The following ADGRE3 variants were observed in gnomAD, a reference collection of about 807,000 sequenced individuals.
The protein encoded by ADGRE3 is EGF-like module receptor 3.
Under a neutral mutation model 80.1 loss-of-function variants are expected in ADGRE3, and 88 were observed. That is an observed-to-expected ratio of 1.10 (90% CI 0.93 to 1.31). The LOEUF (loss-of-function observed/expected upper bound fraction) is 1.31, where lower values mean the gene tolerates loss of function less well. Ranked by LOEUF, ADGRE3 falls within the 40% of genes most tolerant of loss-of-function variation. The pLI is 0.00. For missense variants in ADGRE3, 715 were observed against 776.5 expected (o/e 0.92, Z 0.94); for synonymous variants, 281 against 294.8 (o/e 0.95, Z 0.48).
chr19:14,671,797 A>T (rs1972263385), intron 1 of ADGRE3, among the ~76,000 whole-genome samples: 1 of 151,512 alleles, frequency 6.6e-6, no homozygotes, highest in Admixed American at 6.6e-5. Context: ...TTTTATTTTT[A>T]TTTTTTTGAG....
chr19:14,666,290 C>G (rs1972104165), intron 2 of ADGRE3, among the ~76,000 whole-genome samples: 1 of 151,234 alleles, frequency 6.6e-6, no homozygotes, highest in Non-Finnish European at 1.5e-5. Flanking sequence ...GCCATTCTTG[C>G]AGGAGTAAGG....
chr19:14,606,954 G>A, the ADGRE3 span: 1 of 1,126,064 alleles, frequency 8.9e-7, no homozygotes, highest in South Asian at 3.2e-5. Context: ...TGAGGGTCAT[G>A]TAGAGGAATG....
At chr19:14,647,499 C>A in intron 7 of ADGRE3, 134 bp from the exon 8 acceptor site, 1 of 639,044 alleles carries the variant, frequency 1.6e-6, no homozygotes, top group South Asian at 2.1e-5. Context: ...TCACTGCAAC[C>A]TCCGCCTCCC....
chr19:14,669,369 C>T (rs1972190333), intron 1 of ADGRE3, among the ~76,000 whole-genome samples: 1 of 152,082 alleles, frequency 6.6e-6, no homozygotes, highest in Non-Finnish European at 1.5e-5. Flanking sequence ...AGTGGGCAGA[C>T]CTGGACATGA....
intron 5 of ADGRE3, among the ~76,000 whole-genome samples, chr19:14,656,569 G>C (rs1971772459): frequency 6.6e-6 from 1 of 152,024 alleles, no homozygotes; most frequent in South Asian, 2.1e-4. Context: ...CTTACTGCTC[G>C]GGGAAGGCTG....
chr19:14,649,510 ATC>A lies in ADGRE3; in HGVS notation c.697+1573_697+1574del, dbSNP rs1373928271. 9.6e-5 allele frequency among the ~76,000 whole-genome samples: 9 copies of A among 93,930 alleles called. No homozygotes were observed. The East Asian group carries it at 1.9e-3, about 20-fold the overall frequency. 61.6% of individuals were successfully genotyped at this position (93,930 alleles called of 152,430 possible). ...TCTCTCTCTCCATCTCTCTTTTTCC[ATC>A]TCTCTCTCTCCATCCCTCTTTTCAT... On this transcript the variant is annotated intron_variant, in intron 7 of 15. Transcript: ENST00000253673.
At chr19:14,647,780 G>A (rs769832819) in intron 7 of ADGRE3, among the ~76,000 whole-genome samples, 8 of 150,620 alleles carry the variant, frequency 5.3e-5, no homozygotes, top group Non-Finnish European at 1.2e-4. Context: ...TGGAGGATTC[G>A]TTTTAACAGA....
chr19:14,646,125 T>C (rs1026031960), intron 8 of ADGRE3, among the ~76,000 whole-genome samples: 3 of 152,126 alleles, frequency 2.0e-5, no homozygotes, highest in East Asian at 3.8e-4. Context: ...CCTTTCTTCT[T>C]CTCTTTCTTT....
intron 2 of ADGRE3, among the ~76,000 whole-genome samples, chr19:14,665,131 T>G (rs919627872): frequency 2.0e-5 from 3 of 147,170 alleles, no homozygotes; most frequent in Admixed American, 6.9e-5. Context: ...TGGTGTGATA[T>G]CGGCTCACTG....
At chr19:14,621,089 G>A (rs955829141) in intron 15 of ADGRE3, among the ~76,000 whole-genome samples, 4 of 151,760 alleles carry the variant, frequency 2.6e-5, no homozygotes, top group African/African-American at 9.7e-5. Flanking sequence ...GCATGATCTC[G>A]GCTCACCGTA....
chr19:14,620,537 T>TATATATATATATATAATA (rs1415988959), intron 15 of ADGRE3, among the ~76,000 whole-genome samples: 1 of 18,450 alleles, frequency 5.4e-5, no homozygotes, highest in East Asian at 1.2e-3. Context: ...TATATATATT[T>TATATATATATATATAATA]TATATATATA....
intron 11 of ADGRE3, 30 bp downstream of exon 11, chr19:14,638,075 T>C: frequency 6.5e-7 from 1 of 1,537,456 alleles, no homozygotes; most frequent in Non-Finnish European, 9.0e-7. Flanking sequence ...TAGGAAACTG[T>C]CCATGACACA....
At chr19:14,605,502 T>C in the ADGRE3 span, among the ~76,000 whole-genome samples, 1 of 152,190 alleles carries the variant, frequency 6.6e-6, no homozygotes, top group East Asian at 1.9e-4. Flanking sequence ...TCAGTGAACT[T>C]TGACAAATGC....
chr19:14,618,692 A>G (rs549805755), downstream of ADGRE3, among the ~76,000 whole-genome samples: 4 of 151,764 alleles, frequency 2.6e-5, no homozygotes, highest in African/African-American at 9.7e-5. Flanking sequence ...CCCTGTCTCT[A>G]CTAAAAATAC....
intron 11 of ADGRE3, among the ~76,000 whole-genome samples, chr19:14,633,700 G>A (rs1423971174): frequency 4.3e-5 from 4 of 93,366 alleles, no homozygotes; most frequent in African/African-American, 7.9e-5. Flanking sequence ...CTGAGACTCC[G>A]TCTCAAAAAA....
At chr19:14,607,520 G>A in the ADGRE3 span, among the ~76,000 whole-genome samples, 1 of 149,866 alleles carries the variant, frequency 6.7e-6, no homozygotes, top group African/African-American at 2.4e-5. Context: ...GGTTTTTACT[G>A]GTACAGCTCT....
chr19:14,645,344 G>T (rs1971368350), intron 8 of ADGRE3, among the ~76,000 whole-genome samples: 1 of 152,124 alleles, frequency 6.6e-6, no homozygotes, highest in Non-Finnish European at 1.5e-5. Context: ...GGAAAGAAAA[G>T]TCATGAGGAG....
At chr19:14,662,611 C>T (rs1971979452) in intron 3 of ADGRE3, among the ~76,000 whole-genome samples, 1 of 151,970 alleles carries the variant, frequency 6.6e-6, no homozygotes, top group African/African-American at 2.4e-5. Flanking sequence ...GTCTCAAACT[C>T]CTGACCTCAG....
the ADGRE3 span, among the ~76,000 whole-genome samples, chr19:14,607,954 T>G: frequency 1.3e-5 from 2 of 152,078 alleles, no homozygotes; most frequent in African/African-American, 4.8e-5. Flanking sequence ...CACTGCAGCC[T>G]CAACCTCCCA....
Sources: allele counts gnomAD v4.1 joint callset (sites outside exome capture counted in the v4.1 genomes callset), GRCh38; gene constraint gnomAD v4.1.1; transcripts MANE v1.5; gene names NCBI Gene and HGNC (gene_info 2026-07-23, HGNC 2026-07-21).